The following TENM3 variants were observed in gnomAD, a reference collection of about 807,000 sequenced individuals.
The protein encoded by TENM3 is teneurin transmembrane protein 3.
A neutral mutation model predicts 255.1 loss-of-function variants in TENM3; 63 were observed. That is an observed-to-expected ratio of 0.25 (90% CI 0.20 to 0.30). TENM3 has a LOEUF of 0.30. Ranked by LOEUF, TENM3 falls within the 10% of genes least tolerant of loss-of-function variation. The pLI is 1.00. For synonymous variants in TENM3, 1,306 were observed against 1,322.3 expected (o/e 0.99, Z 0.27); for missense variants, 2,929 against 3,461.1 (o/e 0.85, Z 3.86).
At chr4:182,045,666 A>C in the TENM3 span, among the ~76,000 whole-genome samples, 3,705 of 152,280 alleles carry the variant, frequency 0.024, 155 homozygotes, top group African/African-American at 0.082. Flanking sequence ...TTGTTGGCAA[A>C]GTCACTTTGA....
chr4:182,121,598 A>G, the TENM3 span, among the ~76,000 whole-genome samples: 13 of 152,244 alleles, frequency 8.5e-5, no homozygotes, highest in Non-Finnish European at 1.5e-4. Context: ...TGTTTACACT[A>G]TACTATTAAA....
At chr4:182,042,016 A>C in the TENM3 span, among the ~76,000 whole-genome samples, 5 of 152,184 alleles carry the variant, frequency 3.3e-5, no homozygotes, top group African/African-American at 1.2e-4. Context: ...TTTTGACTAG[A>C]GAGAATTTTC....
intron 3 of TENM3, among the ~76,000 whole-genome samples, chr4:182,540,016 A>T (rs565203046): frequency 1.2e-4 from 18 of 152,344 alleles, no homozygotes; most frequent in Middle Eastern, 3.4e-3. Context: ...CACTCTTCCT[A>T]ATACTCCTAG....
chr4:181,551,451 T>C, the TENM3 span, among the ~76,000 whole-genome samples: 2 of 152,182 alleles, frequency 1.3e-5, no homozygotes, highest in African/African-American at 4.8e-5. Flanking sequence ...AATGTTGTCA[T>C]CCTTTTTGAT....
intron 1 of TENM3, among the ~76,000 whole-genome samples, chr4:182,249,046 T>G (rs1181811442): frequency 1.3e-5 from 2 of 152,194 alleles, no homozygotes; most frequent in African/African-American, 2.4e-5. Context: ...AGAACAACCC[T>G]GTGAGGTGTA....
Position 182,799,674 on chromosome 4 carries a change from G to A in TENM3, c.7423G>A (p.Val2475Met), listed in dbSNP as rs1332303141. Residue 2475 changes from valine (V) to methionine (M), a missense_variant, in exon 28 of 28, where the codon GTG becomes ATG. Physicochemically the swap from Val to Met is conservative, Grantham distance 21. This residue lies in a region of TENM3 where 476 missense variants were observed against 480.1 expected (regional missense o/e 0.99). Coordinates refer to ENST00000511685, the MANE Select transcript of TENM3 (RefSeq NM_001080477.4). The surrounding 1 kb of genome is among the most constrained non-coding windows in gnomAD (Gnocchi z 4.2). Reference protein sequence around the residue: ...LSLGKMAEVQVSRRRAGGAQS... With the variant: ...LSLGKMAEVQMSRRRAGGAQS... The stretch of plus-strand genomic sequence containing the variant: ...GCTGGGGAAGATGGCCGAGGTGCAG[G>A]TGAGCCGGCGCCGGGCCGGCGGCGC... The A allele has an allele frequency of 1.9e-6, 3 of 1,548,652 alleles. No individual in the cohort carries two copies. Among genetic ancestry groups the A allele is most frequent in the African/African-American group, 2.7e-5 (2 of 73,040 alleles).
intron 1 of TENM3, among the ~76,000 whole-genome samples, chr4:182,226,465 G>A (rs777789905): frequency 2.6e-5 from 4 of 152,064 alleles, no homozygotes; most frequent in African/African-American, 7.2e-5. Context: ...GGTTCATCAC[G>A]AATAAAGATA....
chr4:181,768,195 G>A, the TENM3 span, among the ~76,000 whole-genome samples: 3 of 152,116 alleles, frequency 2.0e-5, no homozygotes, highest in Non-Finnish European at 4.4e-5. Context: ...TTCTCAATAA[G>A]GGGCAATTTT....
chr4:182,560,645 A>T (rs771495342), intron 3 of TENM3, among the ~76,000 whole-genome samples: 10 of 152,288 alleles, frequency 6.6e-5, no homozygotes, highest in Admixed American at 1.3e-4. Context: ...GAGCAGCAGG[A>T]ATAAAACCGA....
chr4:182,510,075 GTT>G (rs1192944490), intron 3 of TENM3, among the ~76,000 whole-genome samples: 3 of 152,034 alleles, frequency 2.0e-5, no homozygotes, highest in African/African-American at 7.2e-5. Context: ...TCTTAGTTGT[GTT>G]TTTGCCAAAT....
chr4:182,533,538 C>CA (rs776649364), intron 3 of TENM3, among the ~76,000 whole-genome samples: 3,653 of 89,942 alleles, frequency 0.041, 106 homozygotes, highest in East Asian at 0.16. Flanking sequence ...GACCCTATCT[C>CA]AAAAAAAAAA....
At chr4:182,658,716 T>G (rs983069262) in intron 6 of TENM3, among the ~76,000 whole-genome samples, 1 of 152,252 alleles carries the variant, frequency 6.6e-6, no homozygotes, top group Admixed American at 6.5e-5. Flanking sequence ...AGGTACTTCT[T>G]GCGTTCTTAC....
the TENM3 span, among the ~76,000 whole-genome samples, chr4:181,509,396 AT>A: frequency 1.9e-3 from 281 of 147,598 alleles, 1 homozygote; most frequent in African/African-American, 6.0e-3. Context: ...CTAAGGTGCA[AT>A]TTTTTTTTTT....
chr4:181,928,284 A>G, the TENM3 span, among the ~76,000 whole-genome samples: 2 of 152,122 alleles, frequency 1.3e-5, no homozygotes, highest in Admixed American at 6.5e-5. Flanking sequence ...GAACCTTGAA[A>G]GAAGATTAGA....
chr4:182,057,393 TTTTTC>T, the TENM3 span, among the ~76,000 whole-genome samples: 7 of 151,008 alleles, frequency 4.6e-5, no homozygotes, highest in South Asian at 4.2e-4. Flanking sequence ...TTTTATCTTT[TTTTTC>T]TTTTCTTTTC....
At chr4:182,607,442 G>GA (rs946403069) in intron 4 of TENM3, among the ~76,000 whole-genome samples, 2 of 151,744 alleles carry the variant, frequency 1.3e-5, no homozygotes, top group African/African-American at 2.4e-5. Flanking sequence ...TTCTTGAGAA[G>GA]AAAAAAAATC....
At chr4:182,252,253 ATTAT>A (rs1296929725) in intron 1 of TENM3, among the ~76,000 whole-genome samples, 3 of 152,040 alleles carry the variant, frequency 2.0e-5, no homozygotes, top group African/African-American at 7.2e-5. Flanking sequence ...ATTGCTCTTA[ATTAT>A]TTAAGTATAC....
At chr4:182,065,893 C>T in the TENM3 span, among the ~76,000 whole-genome samples, 1 of 152,208 alleles carries the variant, frequency 6.6e-6, no homozygotes, top group Non-Finnish European at 1.5e-5. Flanking sequence ...TGGGCTTCAG[C>T]GCTGCTAGCT....
chr4:182,310,183 G>T (rs1335186911), intron 1 of TENM3, among the ~76,000 whole-genome samples: 1 of 131,646 alleles, frequency 7.6e-6, no homozygotes, highest in Non-Finnish European at 1.7e-5. Flanking sequence ...GTAAGAACTT[G>T]TTATTTCAGA....
Sources: gnomAD v4.1 joint callset for allele counts (sites outside exome capture counted in the v4.1 genomes callset) on GRCh38, gnomAD v4.1.1 for gene constraint, gnomAD v4.1.1 regional missense constraint, Gnocchi (gnomAD v3.1) non-coding constraint, MANE v1.5 for transcripts, NCBI Gene and HGNC (gene_info 2026-07-23, HGNC 2026-07-21) for gene names.